Variants in ADARB2 observed in about 807,000 individuals in gnomAD.
ADARB2 encodes the protein adenosine deaminase RNA specific B2 (inactive), also known as inactive double-stranded RNA-specific editase B2.
ADARB2 carries 25 observed loss-of-function variants against 62.2 expected under a neutral mutation model. The observed-to-expected ratio is 0.40, with a 90% CI of 0.29 to 0.56. The LOEUF (loss-of-function observed/expected upper bound fraction) is 0.56, where lower values mean the gene tolerates loss of function less well. Among genes scored for constraint, ADARB2 ranks in the 20% least tolerant of loss-of-function variants. The pLI is 0.43. For synonymous variants in ADARB2, 572 were observed against 500.8 expected, an observed-to-expected ratio of 1.14 and a Z score of -1.90; for missense variants, 1,071 against 1,077.4, an observed-to-expected ratio of 0.99 and a Z score of 0.08.
chr10:1,379,034 C>T (rs776736522), intron 2 of ADARB2, 40 bp downstream of exon 2: 2 of 1,557,348 alleles, frequency 1.3e-6, no homozygotes, highest in African/African-American at 1.4e-5. Flanking sequence ...ACAAAGGATA[C>T]AGGGGCCTTT....
chr10:1,327,263 C>A, intron 3 of ADARB2, among the ~76,000 whole-genome samples: 1 of 100,886 alleles, frequency 9.9e-6, no homozygotes, highest in East Asian at 2.8e-4. Flanking sequence ...CCCAGCGCCT[C>A]CTCACTGCAC....
At chr10:1,421,433 T>TAAAAAAAAA (rs1480819344) in intron 1 of ADARB2, among the ~76,000 whole-genome samples, 1 of 152,066 alleles carries the variant, frequency 6.6e-6, no homozygotes, top group Non-Finnish European at 1.5e-5. Context: ...GGCTTACTCC[T>TAAAAAAAAA]AAAAGCAGTG....
At position 1,196,206 on chromosome 10, in the gene ADARB2, C is replaced by CTTTTT. The variant is rs10665720; in HGVS notation, c.1864+3755_1864+3759dup. 8.8e-3 allele frequency among the ~76,000 whole-genome samples: 1,066 copies of CTTTTT among 120,864 alleles called. 20 individuals carry two copies. The highest frequency in any genetic ancestry group is 0.033 in the African/African-American group (1,007 of 30,790). The allele number at this position is 120,864 out of a possible 152,430, so 79.3% of individuals were successfully genotyped here. The stretch of plus-strand genomic sequence containing the variant: ...GGTCACTTTTTAATCCTTCTTTTGC[C>CTTTTT]TTTTTTTTTTTTTTTTTTTGACAAA... On this transcript the variant is annotated intron_variant, in intron 8 of 9. Transcript: ENST00000381312.
intron 3 of ADARB2, 78 bp downstream of exon 3, chr10:1,362,950 C>A: frequency 8.1e-7 from 1 of 1,230,574 alleles, no homozygotes. Context: ...CTGGACGCCA[C>A]TCCCAACAGG....
rs549720824 is a variant in ADARB2, at chr10:1,534,173, G to A, written c.101-155013C>T. On this transcript the variant is annotated intron_variant, in intron 1 of 9. Transcript: ENST00000381312. ...TTTTTTTGAGAAGGAGTTTCACTTT[G>A]TCGCCCAGGCTGGAGTGTAAGGGCA... 1.0e-4 allele frequency among the ~76,000 whole-genome samples: 14 copies of A among 138,632 alleles called. No individual in the cohort carries two copies. The East Asian group carries it at 2.8e-3, about 27-fold the overall frequency. 90.9% of individuals were successfully genotyped at this position (138,632 alleles called of 152,430 possible). A position where few individuals can be genotyped will look rare whatever the true frequency, so the allele number is the denominator to read the frequency against.
chr10:1,308,289 C>G (rs1007760229), intron 3 of ADARB2, among the ~76,000 whole-genome samples: 6 of 152,072 alleles, frequency 3.9e-5, no homozygotes, highest in Non-Finnish European at 8.8e-5. Context: ...TCTGGATGGA[C>G]TTATTTCACT....
chr10:1,294,228 C>G (rs1038630420), intron 3 of ADARB2, among the ~76,000 whole-genome samples: 3 of 152,164 alleles, frequency 2.0e-5, no homozygotes, highest in Non-Finnish European at 4.4e-5. Context: ...ATCTCTCCAT[C>G]GGGGTGTGCT....
intron 1 of ADARB2, among the ~76,000 whole-genome samples, chr10:1,396,029 A>C (rs1832609930): frequency 6.6e-6 from 1 of 152,234 alleles, no homozygotes; most frequent in South Asian, 2.1e-4. Context: ...GCACTGGTCC[A>C]AATGCGGGCC....
At chr10:1,650,669 G>A (rs952533361) in intron 1 of ADARB2, among the ~76,000 whole-genome samples, 2 of 152,152 alleles carry the variant, frequency 1.3e-5, no homozygotes, top group African/African-American at 2.4e-5. Context: ...TGACTCCACC[G>A]ACCGTCCACG....
intron 8 of ADARB2, chr10:1,199,462 A>G (rs7088975): frequency 0.93 from 142,736 of 152,976 alleles, 67,382 homozygotes; most frequent in East Asian, 1. Flanking sequence ...TCCTGGTGCG[A>G]AGCCGGCCCA....
At chr10:1,299,744 T>C (rs567619447) in intron 3 of ADARB2, among the ~76,000 whole-genome samples, 138 of 152,336 alleles carry the variant, frequency 9.1e-4, no homozygotes, top group African/African-American at 3.3e-3. Context: ...CTCCTTCTGC[T>C]TCCTGACCTC....
intron 1 of ADARB2, among the ~76,000 whole-genome samples, chr10:1,626,040 C>T (rs1215262023): frequency 6.7e-6 from 1 of 148,918 alleles, no homozygotes; most frequent in East Asian, 2.0e-4. Flanking sequence ...CAGGCCTCCA[C>T]TGGACCTCGG....
In ADARB2 at chr10:1,242,309, CAGAT is replaced by C. The variant is rs1318116778; in HGVS notation, c.1193-14_1193-11del. The C allele has an allele frequency of 2.6e-6, 4 of 1,545,674 alleles. No individual in the cohort carries two copies. The highest frequency in any genetic ancestry group is 3.5e-6 in the Non-Finnish European group (4 of 1,146,598). On this transcript the variant is annotated splice_polypyrimidine_tract_variant and intron_variant, in intron 4 of 9. Coordinates refer to ENST00000381312, the MANE Select transcript of ADARB2 (RefSeq NM_018702.4). ...TGCCGAGCATCCAGGCCTGGGGACA[CAGAT>C]AGCATCAGAGCAGCGTGGCCCACGG...
At chr10:1,569,913 A>C (rs1247591822) in intron 1 of ADARB2, among the ~76,000 whole-genome samples, 1 of 152,182 alleles carries the variant, frequency 6.6e-6, no homozygotes, top group African/African-American at 2.4e-5. Flanking sequence ...GACAATTATT[A>C]TTTAAATCAA....
At chr10:1,386,216 C>T (rs1478770947) in intron 1 of ADARB2, among the ~76,000 whole-genome samples, 1 of 151,326 alleles carries the variant, frequency 6.6e-6, no homozygotes, top group Non-Finnish European at 1.5e-5. Flanking sequence ...AAATAGAATA[C>T]TAAAAAAGAT....
rs141292211 is a variant in ADARB2, at chr10:1,523,180, G to A, written c.101-144020C>T. On this transcript the variant is annotated intron_variant, in intron 1 of 9. Transcript: ENST00000381312. ...TTTATTTTTCTTCAGAGAGAAACAA[G>A]TATGGCAAATATCTGTGAATTTCTG... Among the ~76,000 whole-genome samples the A allele has an allele frequency of 1.3e-4, 20 of 152,296 alleles. 1 individual carries two copies. In the East Asian group the frequency reaches 3.9e-3, roughly 29 times the overall value.
chr10:1,390,535 T>C (rs1415765427), intron 1 of ADARB2, among the ~76,000 whole-genome samples: 1 of 152,190 alleles, frequency 6.6e-6, no homozygotes, highest in Non-Finnish European at 1.5e-5. Context: ...CCTCAAAGAA[T>C]TGTTGAATCT....
intron 3 of ADARB2, among the ~76,000 whole-genome samples, chr10:1,348,984 C>T (rs1455331581): frequency 2.0e-5 from 3 of 152,276 alleles, no homozygotes; most frequent in East Asian, 3.9e-4. Context: ...GGGGAGAGGG[C>T]TCAGGGGATG....
intron 1 of ADARB2, among the ~76,000 whole-genome samples, chr10:1,544,956 T>TATACACACACACACACAC (rs10526252): frequency 0.043 from 5,722 of 133,832 alleles, 155 homozygotes; most frequent in South Asian, 0.047. Context: ...TAGCAAAGTA[T>TATACACACACACACACAC]ACACACACAC....
Sources: gnomAD v4.1 joint callset for allele counts (sites outside exome capture counted in the v4.1 genomes callset) on GRCh38, gnomAD v4.1.1 for gene constraint, MANE v1.5 for transcripts, NCBI Gene and HGNC (gene_info 2026-07-23, HGNC 2026-07-21) for gene names.